RNASEL: variants seen among roughly 807,000 people sequenced by gnomAD.
RNASEL encodes the protein ribonuclease L.
A neutral mutation model predicts 50.9 loss-of-function variants in RNASEL; 36 were observed. The observed-to-expected ratio is 0.71, with a 90% CI of 0.54 to 0.93. RNASEL has a LOEUF of 0.93. Among genes scored for constraint, RNASEL ranks in the 40% least tolerant of loss-of-function variants. The pLI is 0.00. For missense variants in RNASEL, 860 were observed against 894.5 expected (o/e 0.96, Z 0.49); for synonymous variants, 335 against 335.6 (o/e 1.00, Z 0.02).
chr1:182,581,209 T>A lies in RNASEL; in HGVS notation c.1905+16A>T. On this transcript the variant is annotated intron_variant, in intron 5 of 6. Coordinates refer to ENST00000367559, the MANE Select transcript of RNASEL (RefSeq NM_021133.4). ...TATTCCTGGACTAACCCCTGCACTA[T>A]AGGAATTGTTCATACCTTAGTCGTC... 6.2e-7 allele frequency: 1 copy of A among 1,614,178 alleles called. No homozygotes were observed. Among genetic ancestry groups the A allele is most frequent in the Non-Finnish European group, 8.5e-7 (1 of 1,180,022 alleles).
rs192719507 is a variant in RNASEL, at chr1:182,586,675, C to T, written c.132G>A (p.Leu44=). 2 of 1,614,094 alleles carry T rather than the reference C, an allele frequency of 1.2e-6. No individual in the cohort carries two copies. The highest frequency in any genetic ancestry group is 1.7e-6 in the Non-Finnish European group (2 of 1,179,898). The part of the protein sequence containing the change: ...QNEDVDLVQQ[L]LEGGANVNFQ... ...AATTAACATTGGCTCCACCTTCCAG[C>T]AATTGCTGGACCAGGTCAACATCTT... Residue 44 remains leucine (L), a synonymous_variant, in exon 2 of 7, where the codon TTG becomes TTA. Coordinates refer to ENST00000367559, the MANE Select transcript of RNASEL (RefSeq NM_021133.4).
rs773925637 is a variant in RNASEL, at chr1:182,575,450, T to C, written c.2168A>G (p.Asn723Ser). The change falls in exon 7 of 7, where the codon AAC becomes AGC. Residue 723 changes from asparagine (N) to serine (S), a missense_variant. Transcript: ENST00000367559. ...RKHFPQTHSPNKPQCDGAGGA... is the reference protein window; with the variant it reads ...RKHFPQTHSPSKPQCDGAGGA... ...ACCAGCTCCATCACACTGAGGCTTGTTTGGACTGTGGGTTTGGGGGAAATG... is the reference window on the plus strand; with the variant it reads ...ACCAGCTCCATCACACTGAGGCTTGCTTGGACTGTGGGTTTGGGGGAAATG... 7 of 1,614,166 alleles carry C rather than the reference T, an allele frequency of 4.3e-6. No individual in the cohort carries two copies. The highest frequency in any genetic ancestry group is 5.1e-6 in the Non-Finnish European group (6 of 1,180,024).
In RNASEL at chr1:182,585,385, T is replaced by C; in HGVS notation, c.1422A>G (p.Glu474=). The change falls in exon 2 of 7, where the codon GAA becomes GAG. Residue 474 remains glutamate (E), a synonymous_variant. Transcript: ENST00000367559. ...VLSSIFKAVQ[E]LHLSCGYTHQ... The stretch of plus-strand genomic sequence containing the variant: ...GGGTGTATCCACAGGACAAGTGTAG[T>C]TCTTGAACAGCCTTAAATATAGATG... 2 of 1,614,100 alleles carry C rather than the reference T, an allele frequency of 1.2e-6. No individual in the cohort carries two copies. Among genetic ancestry groups the C allele is most frequent in the Non-Finnish European group, 1.7e-6 (2 of 1,180,000 alleles).
chr1:182,586,018 G>A lies in RNASEL; in HGVS notation c.789C>T (p.His263=). The A allele has an allele frequency of 1.2e-6, 2 of 1,614,038 alleles. No individual in the cohort carries two copies. The highest frequency in any genetic ancestry group is 1.7e-6 in the Non-Finnish European group (2 of 1,180,030). Residue 263 remains histidine, a synonymous_variant, in exon 2 of 7, where the codon CAC becomes CAT. Coordinates refer to ENST00000367559, the MANE Select transcript of RNASEL (RefSeq NM_021133.4). Reference sequence around the variant, plus strand: ...CACTGTCTGTGTCATTAATCTCTATGTGCTCTTGCTCCAGAAGCCTCTGCA... The same window carrying A: ...CACTGTCTGTGTCATTAATCTCTATATGCTCTTGCTCCAGAAGCCTCTGCA... ...GLVQRLLEQE[H]IEINDTDSDG...
chr1:182,576,498 T>C, intron 5 of RNASEL, 109 bp from the exon 6 acceptor site: 1 of 826,768 alleles, frequency 1.2e-6, no homozygotes. Context: ...TCATATATTC[T>C]ATAATTACCA....
chr1:182,588,597 T>C (rs1040911505), intron 1 of RNASEL, among the ~76,000 whole-genome samples: 1 of 152,232 alleles, frequency 6.6e-6, no homozygotes, highest in East Asian at 1.9e-4. Context: ...TAACTGCATC[T>C]GCTATAGAAT....
At chr1:182,577,091 G>C (rs1419808557) in intron 5 of RNASEL, 3 of 150,120 alleles carry the variant, frequency 2.0e-5, no homozygotes, top group Non-Finnish European at 4.4e-5. Context: ...CACCATGTTG[G>C]CCAGGCTGGT....
In RNASEL at chr1:182,575,207, T is replaced by C. The variant is rs1661356243; in HGVS notation, c.*185A>G. On this transcript the variant is annotated 3_prime_UTR_variant, in exon 7 of 7. Coordinates refer to ENST00000367559, the MANE Select transcript of RNASEL (RefSeq NM_021133.4). ...TTAGTGGGTAAAGCTTATGGACTAG[T>C]GTAGTCTGGGTATATATTGCTTTTG... 1.6e-6 allele frequency: 1 copy of C among 629,622 alleles called. No individual in the cohort carries two copies. The highest frequency in any genetic ancestry group is 1.9e-5 in the South Asian group (1 of 53,822). The allele number at this position is 629,622 out of a possible 1,614,324, so 39.0% of individuals were successfully genotyped here. A position where few individuals can be genotyped will look rare whatever the true frequency, so the allele number is the denominator to read the frequency against.
chr1:182,581,317 T>C lies in RNASEL; in HGVS notation c.1813A>G (p.Ile605Val). 6.2e-7 allele frequency: 1 copy of C among 1,614,096 alleles called. No individual in the cohort carries two copies. Among genetic ancestry groups the C allele is most frequent in the Middle Eastern group, 1.6e-4 (1 of 6,062 alleles). Residue 605 changes from isoleucine (I) to valine (V), a missense_variant, in exon 5 of 7, where the codon ATC (isoleucine) becomes GTC (valine). Transcript: ENST00000367559. ...TLRNVGNESDIKTRKSESEIL... is the reference protein window; with the variant it reads ...TLRNVGNESDVKTRKSESEIL... ...TCACTTTCAGATTTTCGTGTTTTGA[T>C]GTCGGATTCATTTCCCACATTCCGA...
At position 182,581,279 on chromosome 1, in the gene RNASEL, T is replaced by C; in HGVS notation, c.1851A>G (p.Leu617=). The change falls in exon 5 of 7, where the codon CTA becomes CTG. Residue 617 remains leucine, a synonymous_variant. Transcript: ENST00000367559. ...TRKSESEILR[L]LQPGPSEHSK... ...AATGTTCAGAAGGCCCAGGTTGCAG[T>C]AGTCTGAGGATCTCACTTTCAGATT... The C allele has an allele frequency of 2.5e-6, 4 of 1,614,162 alleles. No individual in the cohort carries two copies. Among genetic ancestry groups the C allele is most frequent in the Non-Finnish European group, 3.4e-6 (4 of 1,180,038 alleles).
Position 182,580,154 on chromosome 1 carries a change from CTT to C in RNASEL, c.1905+1069_1905+1070del, listed in dbSNP as rs1286189081. 1.8e-5 allele frequency: 6 copies of C among 341,526 alleles called. No homozygotes were observed. In the East Asian group the frequency reaches 5.3e-4, roughly 30 times the overall value. 21.2% of individuals were successfully genotyped at this position (341,526 alleles called of 1,614,324 possible). ...CACTATCATAGCTGCTTTCAAATTT[CTT>C]TGTTTCTACAAGTTAAAATTTTAGC... is the stretch of plus-strand genomic sequence containing the variant. On this transcript the variant is annotated intron_variant, in intron 5 of 6. Coordinates refer to ENST00000367559, the MANE Select transcript of RNASEL (RefSeq NM_021133.4).
At chr1:182,582,311 C>T (rs1293305708) in intron 3 of RNASEL, 53 bp from the exon 4 acceptor site, 14 of 1,601,498 alleles carry the variant, frequency 8.7e-6, no homozygotes, top group Non-Finnish European at 1.1e-5. Flanking sequence ...ATTTGGGTAA[C>T]CCTGGAAGGA....
intron 4 of RNASEL, among the ~76,000 whole-genome samples, 157 bp from the exon 5 acceptor site, chr1:182,581,514 C>T (rs1661497828): frequency 3.3e-5 from 4 of 120,674 alleles, no homozygotes; most frequent in African/African-American, 1.3e-4. Context: ...TGGAGTCTCG[C>T]TCTGTCCCCC....
chr1:182,581,017 G>A (rs529718596), intron 5 of RNASEL, among the ~76,000 whole-genome samples: 1 of 152,316 alleles, frequency 6.6e-6, no homozygotes, highest in South Asian at 2.1e-4. Context: ...GGGTCTGAAT[G>A]GGAGAGAGGG....
At chr1:182,581,045 G>C (rs753396585) in intron 5 of RNASEL, among the ~76,000 whole-genome samples, 180 bp downstream of exon 5, 6 of 152,218 alleles carry the variant, frequency 3.9e-5, no homozygotes, top group Non-Finnish European at 7.3e-5. Context: ...GCTTCTGAAA[G>C]TAGAAGTAGA....
chr1:182,586,699 T>C lies in RNASEL; in HGVS notation c.108A>G (p.Glu36=), dbSNP rs1661606711. The change falls in exon 2 of 7, where the codon GAA becomes GAG. Residue 36 remains glutamate (E), a synonymous_variant. Transcript: ENST00000367559. ...GCAATTGCTGGACCAGGTCAACATC[T>C]TCGTTTTGAACAGCTTTAATCAGCA... ...NHLLIKAVQN[E]DVDLVQQLLE... 6.2e-7 allele frequency: 1 copy of C among 1,614,234 alleles called. No homozygotes were observed. The highest frequency in any genetic ancestry group is 2.2e-5 in the East Asian group (1 of 44,886).
chr1:182,589,123 G>C (rs1269812832), intron 1 of RNASEL, 44 bp downstream of exon 1: 2 of 152,272 alleles, frequency 1.3e-5, no homozygotes, highest in African/African-American at 4.8e-5. Flanking sequence ...CTTCAGGATC[G>C]ACTTATCGAG....
At chr1:182,588,553 C>G (rs1661643132) in intron 1 of RNASEL, among the ~76,000 whole-genome samples, 1 of 152,254 alleles carries the variant, frequency 6.6e-6, no homozygotes. Context: ...GTTCAATCAT[C>G]AGACAGCCCG....
intron 5 of RNASEL, chr1:182,576,938 G>A (rs1031123933): frequency 1.3e-5 from 2 of 150,082 alleles, no homozygotes; most frequent in Non-Finnish European, 3.0e-5. Flanking sequence ...GTACAGTGGT[G>A]CGATCTTGGC....
Sources: allele counts gnomAD v4.1 joint callset (sites outside exome capture counted in the v4.1 genomes callset), GRCh38; gene constraint gnomAD v4.1.1; transcripts MANE v1.5; gene names NCBI Gene and HGNC (gene_info 2026-07-23, HGNC 2026-07-21).